The following SLC35A5 variants were observed in gnomAD, a reference collection of about 807,000 sequenced individuals.
SLC35A5 encodes the protein solute carrier family 35 member A5, also known as UDP-sugar transporter protein SLC35A5.
In SLC35A5, 28 loss-of-function variants were observed where a neutral mutation model predicts 36.3. That is an observed-to-expected ratio of 0.77 (90% CI 0.57 to 1.06). The LOEUF is 1.06. Ranked by LOEUF, SLC35A5 falls within the 50% of genes least tolerant of loss-of-function variation. The pLI, the probability that SLC35A5 is intolerant of heterozygous loss-of-function variation, is 0.00. For missense variants in SLC35A5, 521 were observed against 499.3 expected, an observed-to-expected ratio of 1.04 and a Z score of -0.41; for synonymous variants, 180 against 173.7, an observed-to-expected ratio of 1.04 and a Z score of -0.29.
rs1934393007 is a variant in SLC35A5 at position 112,570,577 on chromosome 3, G to C, written c.267G>C (p.Lys89Asn). Residue 89 changes from lysine (K) to asparagine (N), a missense_variant, in exon 4 of 7, where the codon AAG becomes AAC. Transcript: ENST00000492406. ...GAAATTTGAAATATGCTTCCTGGAA[G>C]GAATTCTCTGATTTCATGAAGTGGT... ...QSRNLKYASW[K>N]EFSDFMKWSI... 1.9e-6 allele frequency: 3 copies of C among 1,610,180 alleles called. No homozygotes were observed. The highest frequency in any genetic ancestry group is 2.5e-6 in the Non-Finnish European group (3 of 1,178,840).
chr3:112,561,399 G>C (rs1276672125), upstream of SLC35A5: 1 of 1,560,608 alleles, frequency 6.4e-7, no homozygotes, highest in East Asian at 2.2e-5. Context: ...TGCGGCGCCT[G>C]GTCCCTGAAA....
chr3:112,582,863 A>G lies in SLC35A5; in HGVS notation c.*127A>G. 2 of 774,272 alleles carry G rather than the reference A, an allele frequency of 2.6e-6. No homozygotes were observed. The highest frequency in any genetic ancestry group is 1.9e-5 in the South Asian group (1 of 53,808). 48.0% of individuals were successfully genotyped at this position (774,272 alleles called of 1,614,324 possible). A position where few individuals can be genotyped will look rare whatever the true frequency, so the allele number is the denominator to read the frequency against. On this transcript the variant is annotated 3_prime_UTR_variant, in exon 7 of 7. Coordinates refer to ENST00000492406, the MANE Select transcript of SLC35A5 (RefSeq NM_017945.5). The stretch of plus-strand genomic sequence containing the variant: ...ATCCTAATATTCTTTGCATATATCT[A>G]GCTACTCCCTAAATGGTTCCATCCA...
chr3:112,562,299 T>A (rs1297498302), intron 1 of SLC35A5, 26 bp downstream of exon 1: 3 of 152,516 alleles, frequency 2.0e-5, no homozygotes, highest in African/African-American at 4.8e-5. Flanking sequence ...GGGCAAGGAA[T>A]TGCGCCTGCG....
intron 5 of SLC35A5, among the ~76,000 whole-genome samples, chr3:112,578,437 C>T (rs1418704407): frequency 6.6e-6 from 1 of 152,164 alleles, no homozygotes; most frequent in Non-Finnish European, 1.5e-5. Context: ...AGCCTTCTAG[C>T]CACAGGCATT....
Position 112,583,753 on chromosome 3 carries a change from A to C in SLC35A5, c.*1017A>C, listed in dbSNP as rs1281700039. 4 of 152,132 alleles carry C rather than the reference A, an allele frequency of 2.6e-5. No homozygotes were observed. The highest frequency in any genetic ancestry group is 2.6e-4 in the Admixed American group (4 of 15,264). The allele number at this position is 152,132 out of a possible 1,614,324, so 9.4% of individuals were successfully genotyped here. ...ATACTCTAAAAATAGAAAGACCAGT[A>C]ATATATAAGTCACTTTACAGTGCTA... On this transcript the variant is annotated 3_prime_UTR_variant, in exon 7 of 7. Coordinates refer to ENST00000492406, the MANE Select transcript of SLC35A5 (RefSeq NM_017945.5).
chr3:112,580,939 T>C lies in SLC35A5; in HGVS notation c.822T>C (p.Phe274=). 1 of 1,614,136 alleles carries C rather than the reference T, an allele frequency of 6.2e-7. No homozygotes were observed. Among genetic ancestry groups the C allele is most frequent in the South Asian group, 1.1e-5 (1 of 91,084 alleles). ...TACAGAACAGCAAACTCTATTTCTT[T>C]GGCATTCTGTTTAATGGGCTGACTC... ...IFIQNSKLYF[F]GILFNGLTLG... is the part of the protein sequence containing the mutation. The change falls in exon 6 of 7, where the codon TTT becomes TTC. Residue 274 remains phenylalanine (F), a synonymous_variant. Coordinates refer to ENST00000492406, the MANE Select transcript of SLC35A5 (RefSeq NM_017945.5).
chr3:112,583,088 C>T lies in SLC35A5; in HGVS notation c.*352C>T. ...TATATACACATAGAGATCAATTTGCCAAATATTCACAATCATGTAGTTCTA... is the reference window on the plus strand; with the variant it reads ...TATATACACATAGAGATCAATTTGCTAAATATTCACAATCATGTAGTTCTA... On this transcript the variant is annotated 3_prime_UTR_variant, in exon 7 of 7. Coordinates refer to ENST00000492406, the MANE Select transcript of SLC35A5 (RefSeq NM_017945.5). 2.5e-6 allele frequency: 1 copy of T among 400,944 alleles called. No homozygotes were observed. The highest frequency in any genetic ancestry group is 4.4e-6 in the Non-Finnish European group (1 of 227,626). 24.8% of individuals were successfully genotyped at this position (400,944 alleles called of 1,614,324 possible).
At chr3:112,574,442 G>A (rs1365469072) in intron 5 of SLC35A5, among the ~76,000 whole-genome samples, 1 of 152,104 alleles carries the variant, frequency 6.6e-6, no homozygotes, top group Non-Finnish European at 1.5e-5. Context: ...TTATAGTTAA[G>A]AAGGATAGTT....
rs1934404818 is a variant in SLC35A5 at position 112,570,812 on chromosome 3, C to G, written c.360+142C>G. 7.5e-6 allele frequency: 6 copies of G among 795,800 alleles called. No homozygotes were observed. The East Asian group carries it at 1.2e-4, about 16-fold the overall frequency. 49.3% of individuals were successfully genotyped at this position (795,800 alleles called of 1,614,324 possible). A position where few individuals can be genotyped will look rare whatever the true frequency, so the allele number is the denominator to read the frequency against. ...CTTCCTGAGATTTCCCCAGAATTATCTGAGTCCTGAATTATCAATATGCGT... is the reference window on the plus strand; with the variant it reads ...CTTCCTGAGATTTCCCCAGAATTATGTGAGTCCTGAATTATCAATATGCGT... On this transcript the variant is annotated intron_variant, in intron 4 of 6. Transcript: ENST00000492406.
At chr3:112,564,083 A>T (rs1420434056) in intron 2 of SLC35A5, 2 of 152,160 alleles carry the variant, frequency 1.3e-5, no homozygotes, top group African/African-American at 4.8e-5. Flanking sequence ...TATTGAGTGA[A>T]GGGGTGGGTT....
At position 112,582,634 on chromosome 3, in the gene SLC35A5, G is replaced by C. The variant is rs762918752; in HGVS notation, c.1210-37G>C. On this transcript the variant is annotated intron_variant, in intron 6 of 6. Coordinates refer to ENST00000492406, the MANE Select transcript of SLC35A5 (RefSeq NM_017945.5). ...TCCCTTTAAAAATGCTACATTTCCA[G>C]TTTTGTTCTAATTACTGCTTTCATG... 9.1e-6 allele frequency: 14 copies of C among 1,543,686 alleles called. 1 individual carries two copies. In the South Asian group the frequency reaches 1.6e-4, roughly 17 times the overall value.
chr3:112,580,978 G>T lies in SLC35A5; in HGVS notation c.861G>T (p.Arg287Ser). 1 of 1,614,092 alleles carries T rather than the reference G, an allele frequency of 6.2e-7. No individual in the cohort carries two copies. The highest frequency in any genetic ancestry group is 1.1e-5 in the South Asian group (1 of 91,090). Residue 287 changes from arginine to serine, a missense_variant, in exon 6 of 7, where the codon AGG (arginine) becomes AGT (serine). Transcript: ENST00000492406. Reference protein sequence around the residue: ...LFNGLTLGLQRSNRDQIKNCG... With the variant: ...LFNGLTLGLQSSNRDQIKNCG... The stretch of plus-strand genomic sequence containing the variant: ...ATGGGCTGACTCTGGGCCTTCAGAG[G>T]AGTAACCGTGATCAGATTAAGAACT...
In SLC35A5 at chr3:112,570,729, ATTTTT is replaced by A. The variant is rs11411476; in HGVS notation, c.360+68_360+72del. On this transcript the variant is annotated intron_variant, in intron 4 of 6. Coordinates refer to ENST00000492406, the MANE Select transcript of SLC35A5 (RefSeq NM_017945.5). ...AAGATACAGAGAAATAAATCCCAGAATTTTTTTTTTTTTATCATTTTTGTTGGCAT... is the reference window on the plus strand; with the variant it reads ...AAGATACAGAGAAATAAATCCCAGAATTTTTTTTATCATTTTTGTTGGCAT... 18 of 1,178,606 alleles carry A rather than the reference ATTTTT, an allele frequency of 1.5e-5. No individual in the cohort carries two copies. The African/African-American group carries it at 2.2e-4, about 15-fold the overall frequency. The allele number at this position is 1,178,606 out of a possible 1,614,324, so 73.0% of individuals were successfully genotyped here.
At position 112,584,431 on chromosome 3, in the gene SLC35A5, A is replaced by G. The variant is rs1935067076; in HGVS notation, c.*1695A>G. 1 of 152,248 alleles carries G rather than the reference A, an allele frequency of 6.6e-6. No individual in the cohort carries two copies. Among genetic ancestry groups the G allele is most frequent in the Non-Finnish European group, 1.5e-5 (1 of 68,044 alleles). 9.4% of individuals were successfully genotyped at this position (152,248 alleles called of 1,614,324 possible). ...CATTTTTATCTCATAAAACATAAAA[A>G]TTACAAAAATATTCTTACAAAGGTA... is the stretch of plus-strand genomic sequence containing the variant. On this transcript the variant is annotated 3_prime_UTR_variant, in exon 7 of 7. Coordinates refer to ENST00000492406, the MANE Select transcript of SLC35A5 (RefSeq NM_017945.5).
At chr3:112,569,873 AGG>A (rs1168602197) in intron 3 of SLC35A5, among the ~76,000 whole-genome samples, 9 of 152,166 alleles carry the variant, frequency 5.9e-5, no homozygotes, top group African/African-American at 2.2e-4. Context: ...TTCACACATG[AGG>A]TAAACGTAAA....
intron 2 of SLC35A5, among the ~76,000 whole-genome samples, chr3:112,567,082 C>T (rs1003478668): frequency 4.0e-5 from 6 of 151,750 alleles, no homozygotes; most frequent in South Asian, 2.1e-4. Context: ...AAAAATTAGC[C>T]GGGCGTGGTG....
chr3:112,564,521 A>G (rs1934101664), intron 2 of SLC35A5, among the ~76,000 whole-genome samples: 1 of 152,172 alleles, frequency 6.6e-6, no homozygotes, highest in Non-Finnish European at 1.5e-5. Context: ...TTACTCCGAG[A>G]CATTCCATTG....
At chr3:112,573,868 C>A in intron 4 of SLC35A5, 21 bp from the exon 5 acceptor site, 2 of 1,598,496 alleles carry the variant, frequency 1.3e-6, no homozygotes. Flanking sequence ...GATTGTAACT[C>A]TATCTTCTCT....
intron 5 of SLC35A5, 93 bp downstream of exon 5, chr3:112,574,049 C>G: frequency 8.8e-7 from 1 of 1,140,216 alleles, no homozygotes; most frequent in Non-Finnish European, 1.3e-6. Flanking sequence ...CGTCAGAATC[C>G]CAAAGCCAGG....
Sources: allele counts gnomAD v4.1 joint callset (sites outside exome capture counted in the v4.1 genomes callset), GRCh38; gene constraint gnomAD v4.1.1; transcripts MANE v1.5; gene names NCBI Gene and HGNC (gene_info 2026-07-23, HGNC 2026-07-21).